Variants in CWC27 observed in about 807,000 individuals in gnomAD.
The protein encoded by CWC27 is spliceosome-associated protein CWC27 homolog.
CWC27 carries 47 observed loss-of-function variants against 63.6 expected under a neutral mutation model. The observed-to-expected ratio is 0.74, with a 90% CI of 0.58 to 0.94. The LOEUF is 0.94. Among genes scored for constraint, CWC27 ranks in the 40% least tolerant of loss-of-function variants. The probability of loss-of-function intolerance (pLI) is 0.00; values close to 1 mark genes in which losing one functional copy is unlikely to be tolerated. For missense variants in CWC27, 495 were observed against 554.3 expected (o/e 0.89, Z 1.07); for synonymous variants, 175 against 179.8 (o/e 0.97, Z 0.22).
At chr5:64,808,134 G>C in intron 10 of CWC27, 1 of 1,061,520 alleles carries the variant, frequency 9.4e-7, no homozygotes, top group Non-Finnish European at 1.1e-6. Flanking sequence ...TTGGGAACTT[G>C]TTAGAAATAC....
At chr5:64,824,728 CTTTTTTTTTTTT>C (rs768576527) in intron 10 of CWC27, among the ~76,000 whole-genome samples, 3 of 91,982 alleles carry the variant, frequency 3.3e-5, no homozygotes, top group Admixed American at 1.1e-4. Flanking sequence ...TTTCTTTTCT[CTTTTTTTTTTTT>C]TTTTTTTTTT....
chr5:64,925,950 C>T (rs1014822920), intron 11 of CWC27, among the ~76,000 whole-genome samples: 1 of 152,150 alleles, frequency 6.6e-6, no homozygotes, highest in African/African-American at 2.4e-5. Flanking sequence ...ATCTCAAACA[C>T]CTTCACCTCA....
chr5:64,971,634 C>T (rs1749125918), intron 11 of CWC27, 69 bp from the exon 12 acceptor site: 3 of 1,204,242 alleles, frequency 2.5e-6, no homozygotes, highest in South Asian at 3.7e-5. Flanking sequence ...GCAACAGGAG[C>T]ATAAACATTG....
At chr5:65,004,225 T>C (rs914542025) in intron 13 of CWC27, among the ~76,000 whole-genome samples, 1 of 152,148 alleles carries the variant, frequency 6.6e-6, no homozygotes, top group Non-Finnish European at 1.5e-5. Flanking sequence ...CTTCCTTCCT[T>C]CCTTCCTATG....
intron 13 of CWC27, among the ~76,000 whole-genome samples, chr5:65,009,745 CACTG>C (rs1749913242): frequency 6.6e-6 from 1 of 152,232 alleles, no homozygotes; most frequent in Non-Finnish European, 1.5e-5. Flanking sequence ...CCTCACCAGA[CACTG>C]ACTGATGGCA....
At chr5:64,852,884 T>C (rs976499707) in intron 10 of CWC27, among the ~76,000 whole-genome samples, 1 of 152,188 alleles carries the variant, frequency 6.6e-6, no homozygotes, top group Non-Finnish European at 1.5e-5. Flanking sequence ...TGAAAACTTC[T>C]AATTACAACA....
chr5:64,822,050 T>C (rs1306084914), intron 10 of CWC27, among the ~76,000 whole-genome samples: 1 of 152,198 alleles, frequency 6.6e-6, no homozygotes, highest in African/African-American at 2.4e-5. Flanking sequence ...TATTTGGAAA[T>C]GGACTCTGTC....
intron 11 of CWC27, among the ~76,000 whole-genome samples, chr5:64,924,512 T>C (rs1011474992): frequency 1.3e-5 from 2 of 152,226 alleles, no homozygotes; most frequent in Non-Finnish European, 2.9e-5. Flanking sequence ...TCTTTCTGTA[T>C]ATCTGCAGCA....
chr5:64,983,530 A>G (rs1749365456), intron 13 of CWC27, among the ~76,000 whole-genome samples: 1 of 152,220 alleles, frequency 6.6e-6, no homozygotes, highest in South Asian at 2.1e-4. Flanking sequence ...GTGTGTAATG[A>G]TGGTCCTTTT....
At chr5:64,939,604 A>T (rs1384641841) in intron 11 of CWC27, among the ~76,000 whole-genome samples, 1 of 152,194 alleles carries the variant, frequency 6.6e-6, no homozygotes, top group Non-Finnish European at 1.5e-5. Context: ...TTAGGGACCC[A>T]CTTGAGGAGG....
intron 11 of CWC27, among the ~76,000 whole-genome samples, chr5:64,970,544 CT>C: frequency 6.6e-6 from 1 of 152,268 alleles, no homozygotes; most frequent in Non-Finnish European, 1.5e-5. Context: ...ATAAGAATCA[CT>C]TCATGTATAC....
chr5:64,852,803 CT>C (rs1194647906), intron 10 of CWC27, among the ~76,000 whole-genome samples: 1 of 150,986 alleles, frequency 6.6e-6, no homozygotes, highest in African/African-American at 2.4e-5. Context: ...AAATTAAGGG[CT>C]TTTCATATTT....
intron 11 of CWC27, among the ~76,000 whole-genome samples, chr5:64,950,440 C>T (rs942355423): frequency 3.3e-5 from 5 of 151,508 alleles, no homozygotes; most frequent in Non-Finnish European, 7.4e-5. Flanking sequence ...GCTTGTTATA[C>T]GTAAAATACT....
At chr5:64,864,131 G>T (rs1342804550) in intron 10 of CWC27, among the ~76,000 whole-genome samples, 1 of 151,960 alleles carries the variant, frequency 6.6e-6, no homozygotes, top group Non-Finnish European at 1.5e-5. Context: ...CACCTCTAAG[G>T]GTGGCAAATG....
At chr5:64,786,884 C>A (rs1226269473) in intron 6 of CWC27, among the ~76,000 whole-genome samples, 1 of 152,030 alleles carries the variant, frequency 6.6e-6, no homozygotes, top group East Asian at 1.9e-4. Context: ...AAAGATATAC[C>A]TGAGACAGGG....
At chr5:64,872,283 A>T (rs561073236) in intron 10 of CWC27, among the ~76,000 whole-genome samples, 2 of 152,152 alleles carry the variant, frequency 1.3e-5, no homozygotes, top group African/African-American at 4.8e-5. Flanking sequence ...CTCATGATAG[A>T]TCTCTCATGC....
chr5:64,781,932 A>C lies in CWC27; in HGVS notation c.151A>C (p.Asn51His), dbSNP rs1368981497. ...IQLCLEAYYD[N>H]TIFHRVVPGF... Reference sequence around the variant, plus strand: ...TATTTTTTTTTCAGCTTATTATGACAATACCATTTTTCATAGAGTTGTGCC... The same window carrying C: ...TATTTTTTTTTCAGCTTATTATGACCATACCATTTTTCATAGAGTTGTGCC... The change falls in exon 3 of 14, where the codon AAT becomes CAT. Residue 51 changes from asparagine (N) to histidine (H), a missense_variant. Coordinates refer to ENST00000381070, the MANE Select transcript of CWC27 (RefSeq NM_005869.4). The C allele has an allele frequency of 2.6e-6, 4 of 1,566,464 alleles. No homozygotes were observed. In the African/African-American group the frequency reaches 4.1e-5, roughly 16 times the overall value.
chr5:64,940,991 C>T (rs573020990), intron 11 of CWC27, among the ~76,000 whole-genome samples: 58 of 151,808 alleles, frequency 3.8e-4, no homozygotes, highest in African/African-American at 1.4e-3. Context: ...GGACTACAGG[C>T]ATGTGCCACC....
chr5:64,851,439 C>T (rs1163641178), intron 10 of CWC27, among the ~76,000 whole-genome samples: 1 of 152,060 alleles, frequency 6.6e-6, no homozygotes, highest in Non-Finnish European at 1.5e-5. Flanking sequence ...CAAAATCATA[C>T]AGGAGTGATA....
Sources: allele counts gnomAD v4.1 joint callset (sites outside exome capture counted in the v4.1 genomes callset), GRCh38; gene constraint gnomAD v4.1.1; transcripts MANE v1.5; gene names NCBI Gene and HGNC (gene_info 2026-07-23, HGNC 2026-07-21).